PRKCZ: variants seen among roughly 807,000 people sequenced by gnomAD.
PRKCZ encodes the protein protein kinase C zeta, also known as protein kinase C zeta type.
PRKCZ carries 33 observed loss-of-function variants against 79.5 expected under a neutral mutation model. That is an observed-to-expected ratio of 0.41 (90% CI 0.31 to 0.55). The LOEUF is 0.55. PRKCZ is among the 20% of genes least tolerant of loss of function. The pLI, the probability that PRKCZ is intolerant of heterozygous loss-of-function variation, is 0.19. For synonymous variants in PRKCZ, 342 were observed against 320.9 expected, an observed-to-expected ratio of 1.07 and a Z score of -0.70; for missense variants, 578 against 813.5, an observed-to-expected ratio of 0.71 and a Z score of 3.52.
In PRKCZ at chr1:2,156,136, T is replaced by A. The variant is rs763091886; in HGVS notation, c.974+44T>A. On this transcript the variant is annotated intron_variant, in intron 10 of 17. Transcript: ENST00000378567. ...TTTCTGATATTCTGCAGATTTCAGA[T>A]GTGAACTGCACAGAAGCTAAGTCTG... 23 of 1,534,510 alleles carry A rather than the reference T, an allele frequency of 1.5e-5. No homozygotes were observed. In the South Asian group the frequency reaches 2.3e-4, roughly 16 times the overall value.
chr1:2,113,524 G>A (rs1476808811), intron 4 of PRKCZ, among the ~76,000 whole-genome samples: 1 of 152,232 alleles, frequency 6.6e-6, no homozygotes, highest in Non-Finnish European at 1.5e-5. Context: ...GGCAGCATCC[G>A]ATAGCCCCTT....
chr1:2,177,063 C>T lies in PRKCZ; in HGVS notation c.1575+1750C>T, dbSNP rs999723881. 6.6e-5 allele frequency among the ~76,000 whole-genome samples: 10 copies of T among 152,336 alleles called. No individual in the cohort carries two copies. The highest frequency in any genetic ancestry group is 2.2e-4 in the African/African-American group (9 of 41,576). On this transcript the variant is annotated intron_variant, in intron 16 of 17. Transcript: ENST00000378567. This position sits in a 1 kb window ranked among gnomAD's most constrained non-coding sequence, Gnocchi z 6.4. Reference sequence around the variant, plus strand: ...CCTTTGGTTCTAACTGTCAGTCATCCTCACGCCCAGGCCGGGGTTAGAGGT... The same window carrying T: ...CCTTTGGTTCTAACTGTCAGTCATCTTCACGCCCAGGCCGGGGTTAGAGGT...
At chr1:2,048,566 C>G (rs1362028518), upstream of PRKCZ, among the ~76,000 whole-genome samples, 1 of 152,092 alleles carries the variant, frequency 6.6e-6, no homozygotes, top group African/African-American at 2.4e-5. Flanking sequence ...GAGGAGCTGG[C>G]CTTCCCTCCA....
intron 4 of PRKCZ, among the ~76,000 whole-genome samples, chr1:2,104,239 G>A (rs1376836835): frequency 6.6e-6 from 1 of 152,172 alleles, no homozygotes; most frequent in Non-Finnish European, 1.5e-5. Context: ...GTGGGCGGGA[G>A]GGGAGCGGGT....
intron 4 of PRKCZ, among the ~76,000 whole-genome samples, chr1:2,090,381 T>C (rs1016323581): frequency 1.3e-5 from 2 of 152,214 alleles, no homozygotes; most frequent in Admixed American, 1.3e-4. Context: ...AGGGAGCACC[T>C]GTTCAGAGGG....
chr1:2,159,938 T>G (rs147462368), intron 10 of PRKCZ, among the ~76,000 whole-genome samples: 1 of 152,140 alleles, frequency 6.6e-6, no homozygotes, highest in Non-Finnish European at 1.5e-5. Context: ...CCCCGCCCCA[T>G]TCAACTGGAG....
intron 4 of PRKCZ, among the ~76,000 whole-genome samples, chr1:2,061,957 TG>T (rs1186435796): frequency 6.6e-6 from 1 of 152,140 alleles, no homozygotes; most frequent in Non-Finnish European, 1.5e-5. Flanking sequence ...CAGGCAGCAC[TG>T]CCCAGGCTGA....
At chr1:2,060,165 C>T (rs928509894) in intron 4 of PRKCZ, among the ~76,000 whole-genome samples, 2 of 152,264 alleles carry the variant, frequency 1.3e-5, no homozygotes, top group South Asian at 4.1e-4. Flanking sequence ...GTTCCACCCC[C>T]ACTCTCCAGA....
intron 4 of PRKCZ, among the ~76,000 whole-genome samples, chr1:2,080,147 G>A (rs977702727): frequency 6.6e-6 from 1 of 152,212 alleles, no homozygotes; most frequent in Non-Finnish European, 1.5e-5. Flanking sequence ...TACCCGGCCT[G>A]TCCTCCTCTT....
intron 4 of PRKCZ, among the ~76,000 whole-genome samples, chr1:2,084,853 T>TAA (rs1664196411): frequency 6.6e-6 from 1 of 151,792 alleles, no homozygotes; most frequent in Non-Finnish European, 1.5e-5. Context: ...CAAAAAAATG[T>TAA]AAAAATTAGC....
intron 4 of PRKCZ, among the ~76,000 whole-genome samples, chr1:2,089,885 C>T (rs927724712): frequency 5.3e-5 from 8 of 150,648 alleles, no homozygotes; most frequent in African/African-American, 1.7e-4. Context: ...GGCAACATAG[C>T]GAGATCCCAT....
At chr1:2,115,010 G>A (rs764714593) in intron 4 of PRKCZ, among the ~76,000 whole-genome samples, 10 of 152,266 alleles carry the variant, frequency 6.6e-5, no homozygotes, top group African/African-American at 1.9e-4. Flanking sequence ...TAGCTGATCC[G>A]TGTGTAGCTT....
rs1333712831 is a variant in PRKCZ at position 2,082,121 on chromosome 1, C to T, written c.334+22530C>T. The T allele has an allele frequency of 2.2e-5, 7 of 320,022 alleles. No homozygotes were observed. The highest frequency in any genetic ancestry group is 8.8e-5 in the East Asian group (1 of 11,334). 19.8% of individuals were successfully genotyped at this position (320,022 alleles called of 1,614,324 possible). A position where few individuals can be genotyped will look rare whatever the true frequency, so the allele number is the denominator to read the frequency against. On this transcript the variant is annotated intron_variant, in intron 4 of 17. Transcript: ENST00000378567. This position sits in a 1 kb window ranked among gnomAD's most constrained non-coding sequence, Gnocchi z 4.4. ...GAAGGCGCCTAAGTGTCTTTCCACACGGCCATCCGAGGGCGGACGTGGTCA... is the reference window on the plus strand; with the variant it reads ...GAAGGCGCCTAAGTGTCTTTCCACATGGCCATCCGAGGGCGGACGTGGTCA...
intron 9 of PRKCZ, among the ~76,000 whole-genome samples, chr1:2,154,933 T>C (rs1055888382): frequency 6.6e-6 from 1 of 152,192 alleles, no homozygotes; most frequent in Non-Finnish European, 1.5e-5. Flanking sequence ...CGCTGGGACC[T>C]TGGGGAATCT....
intron 2 of PRKCZ, chr1:2,055,934 A>G (rs1660117023): frequency 4.9e-6 from 1 of 205,280 alleles, no homozygotes. Flanking sequence ...GGAGGGCACA[A>G]GCAGCCAGGG....
At chr1:2,060,867 C>T (rs1253690544) in intron 4 of PRKCZ, among the ~76,000 whole-genome samples, 11 of 152,154 alleles carry the variant, frequency 7.2e-5, no homozygotes, top group Admixed American at 6.5e-4. Flanking sequence ...CGTCAGGGCC[C>T]TGATCACCTA....
rs1485315455 is a variant in PRKCZ, at chr1:2,174,899, G to A, written c.1485+66G>A. The stretch of plus-strand genomic sequence containing the variant: ...TCGGTGTTGGTGGGCAGAGGGCCAG[G>A]CACGGCTGTTGGCCATTTTTTCATG... On this transcript the variant is annotated intron_variant, in intron 15 of 17. Transcript: ENST00000378567. This position sits in a 1 kb window ranked among gnomAD's most constrained non-coding sequence, Gnocchi z 6.2. 3.7e-5 allele frequency: 57 copies of A among 1,529,080 alleles called. No homozygotes were observed. The highest frequency in any genetic ancestry group is 4.9e-5 in the Non-Finnish European group (54 of 1,105,734). 94.7% of individuals were successfully genotyped at this position (1,529,080 alleles called of 1,614,324 possible). A position where few individuals can be genotyped will look rare whatever the true frequency, so the allele number is the denominator to read the frequency against.
At chr1:2,066,424 C>T (rs1229530654) in intron 4 of PRKCZ, among the ~76,000 whole-genome samples, 3 of 152,180 alleles carry the variant, frequency 2.0e-5, no homozygotes, top group Non-Finnish European at 4.4e-5. Flanking sequence ...CTCATGTCAA[C>T]CTCTGCCTCC....
At chr1:2,120,702 T>A (rs1021978744) in intron 4 of PRKCZ, among the ~76,000 whole-genome samples, 1 of 152,126 alleles carries the variant, frequency 6.6e-6, no homozygotes, top group Non-Finnish European at 1.5e-5. Flanking sequence ...TCTGCGTTGG[T>A]TTTTTCCCGC....
Sources: gnomAD v4.1 joint callset for allele counts (sites outside exome capture counted in the v4.1 genomes callset) on GRCh38, gnomAD v4.1.1 for gene constraint, Gnocchi (gnomAD v3.1) non-coding constraint, MANE v1.5 for transcripts, NCBI Gene and HGNC (gene_info 2026-07-23, HGNC 2026-07-21) for gene names.